SNX14: variants seen among roughly 807,000 people sequenced by gnomAD.
SNX14 encodes the protein sorting nexin 14, also known as sorting nexin-14.
A neutral mutation model predicts 133.8 loss-of-function variants in SNX14; 93 were observed. That is an observed-to-expected ratio of 0.70 (90% CI 0.59 to 0.83). The LOEUF (loss-of-function observed/expected upper bound fraction) is 0.83, where lower values mean the gene tolerates loss of function less well. SNX14 is among the 40% of genes least tolerant of loss of function. The pLI is 0.00. For synonymous variants in SNX14, 368 were observed against 365.6 expected (o/e 1.01, Z -0.07); for missense variants, 945 against 1,094.9 (o/e 0.86, Z 1.93).
Position 85,553,005 on chromosome 6 carries a change from T to A in SNX14, c.635-3126A>T, listed in dbSNP as rs1788346944. The stretch of plus-strand genomic sequence containing the variant: ...ATGTATAACCCTTCATGTACTGACT[T>A]ACAATTTTACATGTAATTTTGCTTT... On this transcript the variant is annotated intron_variant, in intron 7 of 28. Coordinates refer to ENST00000314673, the MANE Select transcript of SNX14 (RefSeq NM_153816.6). Among the ~76,000 whole-genome samples, 4 of 152,230 alleles carry A rather than the reference T, an allele frequency of 2.6e-5. No homozygotes were observed. In the South Asian group the frequency reaches 8.3e-4, roughly 31 times the overall value.
chr6:85,593,212 C>G (rs907466878), intron 1 of SNX14, among the ~76,000 whole-genome samples: 2 of 152,202 alleles, frequency 1.3e-5, no homozygotes, highest in African/African-American at 2.4e-5. Flanking sequence ...CGGCTACGAA[C>G]TGGACCTTGA....
intron 2 of SNX14, among the ~76,000 whole-genome samples, chr6:85,573,590 A>G (rs999190431): frequency 6.6e-6 from 1 of 152,234 alleles, no homozygotes; most frequent in Admixed American, 6.5e-5. Flanking sequence ...ATTAAATTTC[A>G]GAAATAAATT....
At chr6:85,515,111 A>G (rs1212876147) in intron 23 of SNX14, among the ~76,000 whole-genome samples, 1 of 151,694 alleles carries the variant, frequency 6.6e-6, no homozygotes, top group Non-Finnish European at 1.5e-5. Context: ...CTAAAAATAC[A>G]AAAAAATTAG....
At chr6:85,536,958 G>C (rs960945950) in intron 16 of SNX14, 34 bp from the exon 17 acceptor site, 2 of 1,585,742 alleles carry the variant, frequency 1.3e-6, no homozygotes, top group African/African-American at 2.7e-5. Context: ...CAAGTACATA[G>C]CAAATTATCA....
chr6:85,546,006 C>G (rs745951680), intron 12 of SNX14, among the ~76,000 whole-genome samples: 1 of 152,146 alleles, frequency 6.6e-6, no homozygotes, highest in Non-Finnish European at 1.5e-5. Flanking sequence ...TAGACAAAAA[C>G]ATACATGAAC....
chr6:85,537,292 G>T (rs1582733838), intron 16 of SNX14, among the ~76,000 whole-genome samples: 1 of 151,886 alleles, frequency 6.6e-6, no homozygotes, highest in Non-Finnish European at 1.5e-5. Flanking sequence ...AAATGCTTAA[G>T]ATCTGTTCAA....
At chr6:85,516,528 A>G (rs1445564136) in intron 23 of SNX14, among the ~76,000 whole-genome samples, 1 of 152,172 alleles carries the variant, frequency 6.6e-6, no homozygotes, top group East Asian at 1.9e-4. Flanking sequence ...CAAAAATAAA[A>G]AATGCTAATA....
chr6:85,521,301 A>C (rs1259347876), intron 21 of SNX14, among the ~76,000 whole-genome samples: 1 of 152,120 alleles, frequency 6.6e-6, no homozygotes, highest in Non-Finnish European at 1.5e-5. Flanking sequence ...TGGTGTGCTC[A>C]TAGCTCACTG....
At chr6:85,569,815 G>A (rs1044895103) in intron 4 of SNX14, among the ~76,000 whole-genome samples, 5 of 152,142 alleles carry the variant, frequency 3.3e-5, no homozygotes, top group Non-Finnish European at 7.3e-5. Flanking sequence ...AATGAGCTTA[G>A]CACAATGCCT....
At chr6:85,554,367 C>T (rs117105133) in intron 7 of SNX14, among the ~76,000 whole-genome samples, 7 of 151,934 alleles carry the variant, frequency 4.6e-5, no homozygotes, top group Admixed American at 4.6e-4. Context: ...GAAGTACTTA[C>T]ATAGACAACT....
intron 2 of SNX14, among the ~76,000 whole-genome samples, chr6:85,573,747 T>A (rs1181082879): frequency 1.3e-5 from 2 of 152,312 alleles, no homozygotes; most frequent in South Asian, 2.1e-4. Flanking sequence ...CAAGTACTGA[T>A]TACAAGGCTC....
intron 1 of SNX14, among the ~76,000 whole-genome samples, chr6:85,580,016 G>T (rs2128220364): frequency 6.6e-6 from 1 of 152,294 alleles, no homozygotes; most frequent in African/African-American, 2.4e-5. Context: ...AGGCAGCTAA[G>T]GGAAGGCTTG....
At chr6:85,570,690 T>C (rs1307970800) in intron 4 of SNX14, among the ~76,000 whole-genome samples, 1 of 151,876 alleles carries the variant, frequency 6.6e-6, no homozygotes, top group Non-Finnish European at 1.5e-5. Flanking sequence ...CTGTCTCTAC[T>C]AAAAATACAA....
At chr6:85,569,124 A>T (rs998716824) in intron 4 of SNX14, among the ~76,000 whole-genome samples, 4 of 152,036 alleles carry the variant, frequency 2.6e-5, no homozygotes, top group Non-Finnish European at 5.9e-5. Context: ...CACCACAACC[A>T]GCTAATTTTG....
intron 1 of SNX14, among the ~76,000 whole-genome samples, chr6:85,582,567 T>C (rs182361590): frequency 1.2e-3 from 176 of 150,210 alleles, no homozygotes; most frequent in African/African-American, 4.3e-3. Flanking sequence ...AAGAATCAAA[T>C]AGACACAATA....
chr6:85,592,891 G>A (rs1438012374), intron 1 of SNX14, among the ~76,000 whole-genome samples: 1 of 152,042 alleles, frequency 6.6e-6, no homozygotes, highest in Non-Finnish European at 1.5e-5. Flanking sequence ...GCGGGCGCCT[G>A]TAGCCCCAGC....
chr6:85,547,378 G>A lies in SNX14; in HGVS notation c.932C>T (p.Pro311Leu), dbSNP rs764098295. 57 of 1,613,306 alleles carry A rather than the reference G, an allele frequency of 3.5e-5. 1 individual carries two copies. The African/African-American group carries it at 3.7e-4, about 11-fold the overall frequency. Residue 311 changes from proline to leucine, a missense_variant, in exon 11 of 29, where the codon CCG becomes CTG. Physicochemically the swap from Pro to Leu is moderately conservative, Grantham distance 98 (BLOSUM62 -3). This residue lies in a region of SNX14 where 514 missense variants were observed against 538.8 expected (regional missense o/e 0.95). Coordinates refer to ENST00000314673, the MANE Select transcript of SNX14 (RefSeq NM_153816.6). The part of the protein sequence containing the change: ...DDSPPEKATE[P>L]ASPLVPFLQK... ...CAAGAATGGAACCAAAGGAGAAGCC[G>A]GTTCAGTTGCTTTTTCAGGCTTTGA... is the stretch of plus-strand genomic sequence containing the variant.
chr6:85,550,156 T>C (rs1487399592), intron 7 of SNX14, among the ~76,000 whole-genome samples: 4 of 152,140 alleles, frequency 2.6e-5, no homozygotes, highest in African/African-American at 4.8e-5. Flanking sequence ...TGAGGCAGAA[T>C]TGCTTGAACC....
rs532950303 is a variant in SNX14, at chr6:85,536,267, T to C, written c.1608+525A>G. 2.6e-4 allele frequency among the ~76,000 whole-genome samples: 39 copies of C among 152,276 alleles called. 1 individual carries two copies. The East Asian group carries it at 6.6e-3, about 26-fold the overall frequency. On this transcript the variant is annotated intron_variant, in intron 17 of 28. Transcript: ENST00000314673. ...CAGAGAAATAAAATAGGATGGTAAG[T>C]AAAATGTTTATATAAGTCAACTGGA...
Sources: allele counts gnomAD v4.1 joint callset (sites outside exome capture counted in the v4.1 genomes callset), GRCh38; gene constraint gnomAD v4.1.1; regional missense constraint gnomAD v4.1.1; transcripts MANE v1.5; gene names NCBI Gene and HGNC (gene_info 2026-07-23, HGNC 2026-07-21).